The following SLC6A13 variants were observed in gnomAD, a reference collection of about 807,000 sequenced individuals.
SLC6A13 encodes the protein solute carrier family 6 member 13, also known as sodium- and chloride-dependent GABA transporter 2.
A neutral mutation model predicts 72.9 loss-of-function variants in SLC6A13; 69 were observed. The ratio of observed to expected loss-of-function variants is 0.95; its 90% CI spans 0.78 to 1.16. The LOEUF is 1.16. SLC6A13 is among the 50% of genes most tolerant of loss of function. The pLI is 0.00. For missense variants in SLC6A13, 735 were observed against 760.5 expected, an observed-to-expected ratio of 0.97 and a Z score of 0.39; for synonymous variants, 303 against 303.0, an observed-to-expected ratio of 1.00 and a Z score of 0.00.
At chr12:250,817 A>T (rs1216541993) in intron 2 of SLC6A13, among the ~76,000 whole-genome samples, 2 of 85,238 alleles carry the variant, frequency 2.3e-5, no homozygotes, top group East Asian at 5.1e-4. Context: ...AATGATAAGG[A>T]CCCAAAATAG....
At chr12:237,453 T>C (rs1393787036) in intron 5 of SLC6A13, among the ~76,000 whole-genome samples, 163 bp from the exon 6 acceptor site, 2 of 152,150 alleles carry the variant, frequency 1.3e-5, no homozygotes, top group Non-Finnish European at 2.9e-5. Flanking sequence ...GAGGTGGACA[T>C]AAAGGTGGAG....
chr12:260,725 G>T (rs973022338), intron 1 of SLC6A13, among the ~76,000 whole-genome samples: 32 of 152,112 alleles, frequency 2.1e-4, no homozygotes, highest in African/African-American at 7.0e-4. Context: ...ACAATATATA[G>T]TAAAAAACAG....
intron 3 of SLC6A13, 24 bp downstream of exon 3, chr12:243,655 G>T (rs1942248406): frequency 6.2e-7 from 1 of 1,603,276 alleles, no homozygotes. Flanking sequence ...AAGACGCTTT[G>T]GAGTCAGGTA....
rs748282867 is a variant in SLC6A13, at chr12:224,113, C to G, written c.1190G>C (p.Ser397Thr). ...CATGTCCACCAGCGCTGTCACCAGG[C>G]TTTCTACACACACAAACTGGATGAC... ...GLDSQFVCVE[S>T]LVTALVDMYP... The change falls in exon 11 of 15, where the codon AGC (serine) becomes ACC (threonine). Residue 397 changes from serine (S) to threonine (T), a missense_variant. By Grantham distance (58) the Ser-to-Thr change is moderately conservative. Transcript: ENST00000343164. The G allele has an allele frequency of 1.6e-5, 26 of 1,614,054 alleles. No homozygotes were observed. In the African/African-American group the frequency reaches 2.1e-4, roughly 13 times the overall value.
At chr12:258,200 A>G (rs1331766192) in intron 2 of SLC6A13, among the ~76,000 whole-genome samples, 5 of 152,184 alleles carry the variant, frequency 3.3e-5, no homozygotes, top group African/African-American at 1.2e-4. Flanking sequence ...AATTCCTAGG[A>G]GGAAGGGACA....
At chr12:222,981 G>A (rs778654226) in intron 12 of SLC6A13, 151 bp downstream of exon 12, 2 of 606,592 alleles carry the variant, frequency 3.3e-6, no homozygotes, top group African/African-American at 1.9e-5. Flanking sequence ...TCCAAAGGTA[G>A]CAATTTAGGA....
At chr12:221,210 T>C in intron 14 of SLC6A13, 140 bp from the exon 15 acceptor site, 1 of 1,341,484 alleles carries the variant, frequency 7.5e-7, no homozygotes, top group Non-Finnish European at 9.9e-7. Context: ...AGTCCCCCTG[T>C]GTCTTCCCGA....
At chr12:246,886 T>C (rs2137303613) in intron 2 of SLC6A13, among the ~76,000 whole-genome samples, 1 of 151,812 alleles carries the variant, frequency 6.6e-6, no homozygotes, top group East Asian at 1.9e-4. Context: ...TGCATGCCTG[T>C]AATTCCAGCT....
At chr12:259,057 G>A (rs11062176) in intron 2 of SLC6A13, 1 of 143,286 alleles carries the variant, frequency 7.0e-6, no homozygotes, top group East Asian at 2.7e-4. Flanking sequence ...GGTTATCAAC[G>A]TCATCATCAG....
At chr12:240,258 C>T (rs1942115994) in intron 4 of SLC6A13, among the ~76,000 whole-genome samples, 1 of 152,166 alleles carries the variant, frequency 6.6e-6, no homozygotes, top group African/African-American at 2.4e-5. Context: ...GGCTGGAGTG[C>T]AGTGGCACAA....
chr12:238,198 G>T, intron 4 of SLC6A13, 188 bp from the exon 5 acceptor site: 1 of 1,528,560 alleles, frequency 6.5e-7, no homozygotes, highest in South Asian at 1.2e-5. Flanking sequence ...ACTCTCTCCC[G>T]CACACTTGGA....
intron 2 of SLC6A13, 161 bp downstream of exon 2, chr12:259,690 G>C: frequency 6.7e-7 from 1 of 1,500,412 alleles, no homozygotes; most frequent in South Asian, 1.3e-5. Flanking sequence ...AACCTTTCTA[G>C]GTCTTAGTCT....
At chr12:241,900 G>C (rs1379364909) in intron 4 of SLC6A13, among the ~76,000 whole-genome samples, 1 of 152,218 alleles carries the variant, frequency 6.6e-6, no homozygotes, top group Non-Finnish European at 1.5e-5. Context: ...GTTCACATTT[G>C]ATTATAAAAT....
rs561306660 is a variant in SLC6A13 at position 222,745 on chromosome 12, A to T, written c.1415-113T>A. 23 of 636,596 alleles carry T rather than the reference A, an allele frequency of 3.6e-5. No homozygotes were observed. The East Asian group carries it at 6.1e-4, about 17-fold the overall frequency. 39.4% of individuals were successfully genotyped at this position (636,596 alleles called of 1,614,324 possible). Reference sequence around the variant, plus strand: ...GGGCAGGGACCCATAAAGAGATGACATCACAGCTGTCTGTTCAAGTCGTTG... The same window carrying T: ...GGGCAGGGACCCATAAAGAGATGACTTCACAGCTGTCTGTTCAAGTCGTTG... On this transcript the variant is annotated intron_variant, in intron 12 of 14. Transcript: ENST00000343164.
At chr12:226,320 G>A (rs982595585) in intron 9 of SLC6A13, 70 bp downstream of exon 9, 24 of 1,589,972 alleles carry the variant, frequency 1.5e-5, no homozygotes, top group Admixed American at 5.0e-5. Flanking sequence ...CAATGGAAAC[G>A]CCTCTAGACG....
In SLC6A13 at chr12:237,943, A is replaced by G. The variant is rs41311243; in HGVS notation, c.546T>C (p.Pro182=). The change falls in exon 5 of 15, where the codon CCT becomes CCC. Residue 182 remains proline (P), a synonymous_variant. Coordinates refer to ENST00000343164, the MANE Select transcript of SLC6A13 (RefSeq NM_016615.5). ...LNGTSENATS[P]VIEFWERRVL... is the part of the protein sequence containing the mutation. The stretch of plus-strand genomic sequence containing the variant: ...TCACTTACTCCCAGAACTCGATGAC[A>G]GGAGAGGTGGCATTCTCAGAGGTAC... The G allele has an allele frequency of 3.7e-6, 6 of 1,613,732 alleles. No individual in the cohort carries two copies. Among genetic ancestry groups the G allele is most frequent in the Non-Finnish European group, 4.2e-6 (5 of 1,179,738 alleles).
intron 8 of SLC6A13, chr12:227,121 G>T: frequency 5.7e-6 from 1 of 174,810 alleles, no homozygotes; most frequent in Admixed American, 5.5e-5. Context: ...CAAGACTGGG[G>T]TGCACAGTAG....
chr12:260,136 C>T (rs541729141), intron 1 of SLC6A13, 79 bp from the exon 2 acceptor site: 1 of 1,476,282 alleles, frequency 6.8e-7, no homozygotes, highest in South Asian at 1.3e-5. Context: ...CCAACAAATC[C>T]ATAAGGGAAT....
In SLC6A13 at chr12:254,435, C is replaced by T. The variant is rs550561751; in HGVS notation, c.202+5416G>A. 1.3e-3 allele frequency among the ~76,000 whole-genome samples: 205 copies of T among 152,344 alleles called. No individual in the cohort carries two copies. Among genetic ancestry groups the T allele is most frequent in the Non-Finnish European group, 2.2e-3 (147 of 68,032 alleles). Reference sequence around the variant, plus strand: ...ATTGTCCCCAGCCCTCCACTGTAACCGCTCTTATCATCAATGACTTCCCAG... The same window carrying T: ...ATTGTCCCCAGCCCTCCACTGTAACTGCTCTTATCATCAATGACTTCCCAG... On this transcript the variant is annotated intron_variant, in intron 2 of 14. Coordinates refer to ENST00000343164, the MANE Select transcript of SLC6A13 (RefSeq NM_016615.5). The surrounding 1 kb of genome is among the most constrained non-coding windows in gnomAD (Gnocchi z 4.4).
Sources: allele counts gnomAD v4.1 joint callset (sites outside exome capture counted in the v4.1 genomes callset), GRCh38; gene constraint gnomAD v4.1.1; non-coding constraint Gnocchi (gnomAD v3.1); transcripts MANE v1.5; gene names NCBI Gene and HGNC (gene_info 2026-07-23, HGNC 2026-07-21).